The following SPOCK1 variants were observed in gnomAD, a reference collection of about 807,000 sequenced individuals.
SPOCK1 encodes the protein testican-1.
SPOCK1 carries 23 observed loss-of-function variants against 55.3 expected under a neutral mutation model. The observed-to-expected ratio is 0.42, with a 90% confidence interval of 0.30 to 0.59. The LOEUF is 0.59. SPOCK1 is among the 20% of genes least tolerant of loss of function. The pLI is 0.22. For synonymous variants in SPOCK1, 226 were observed against 221.0 expected (o/e 1.02, Z -0.20); for missense variants, 499 against 552.5 (o/e 0.90, Z 0.97).
intron 3 of SPOCK1, among the ~76,000 whole-genome samples, chr5:137,233,202 G>A (rs748553569): frequency 6.6e-6 from 1 of 152,128 alleles, no homozygotes; most frequent in Non-Finnish European, 1.5e-5. Context: ...TATTTATTGT[G>A]TACTTTATTT....
intron 3 of SPOCK1, among the ~76,000 whole-genome samples, chr5:137,187,199 C>T (rs138392456): frequency 2.6e-5 from 4 of 152,260 alleles, no homozygotes; most frequent in East Asian, 1.9e-4. Flanking sequence ...CTCATGCTGA[C>T]GACTCCCAGA....
intron 2 of SPOCK1, among the ~76,000 whole-genome samples, chr5:137,310,517 T>C (rs905822099): frequency 1.3e-5 from 2 of 152,224 alleles, no homozygotes. Flanking sequence ...GCCAGAATCA[T>C]TAATCATCAA....
At chr5:137,345,485 C>A (rs1750536793) in intron 2 of SPOCK1, among the ~76,000 whole-genome samples, 1 of 152,224 alleles carries the variant, frequency 6.6e-6, no homozygotes, top group Admixed American at 6.5e-5. Flanking sequence ...CAAATTTGCT[C>A]TATCCAAGAA....
intron 2 of SPOCK1, among the ~76,000 whole-genome samples, chr5:137,455,214 T>A (rs576356202): frequency 6.6e-6 from 1 of 152,340 alleles, no homozygotes; most frequent in African/African-American, 2.4e-5. Flanking sequence ...TTCATGAGCA[T>A]GTTTCCTTGA....
intron 2 of SPOCK1, among the ~76,000 whole-genome samples, chr5:137,366,826 TGA>T (rs1211770529): frequency 6.6e-6 from 1 of 151,976 alleles, no homozygotes; most frequent in South Asian, 2.1e-4. Context: ...TAAGAGAAGG[TGA>T]GAGAAAGAGA....
chr5:137,280,812 G>A (rs1181154382), intron 2 of SPOCK1, among the ~76,000 whole-genome samples: 1 of 152,150 alleles, frequency 6.6e-6, no homozygotes, highest in Admixed American at 6.5e-5. Context: ...GACTAAAGAT[G>A]CCACAGTGAT....
intron 2 of SPOCK1, among the ~76,000 whole-genome samples, chr5:137,322,463 A>C (rs553010975): frequency 6.6e-6 from 1 of 152,350 alleles, no homozygotes; most frequent in East Asian, 1.9e-4. Context: ...CATAGAAGTT[A>C]AAAGACAAAA....
intron 6 of SPOCK1, 75 bp downstream of exon 6, chr5:137,067,640 C>G (rs1298556020): frequency 7.7e-7 from 1 of 1,296,316 alleles, no homozygotes; most frequent in African/African-American, 1.5e-5. Flanking sequence ...GTGCCTGGGA[C>G]AGAGCTCGGC....
At position 137,375,458 on chromosome 5, in the gene SPOCK1, A is replaced by G. The variant is rs557546655; in HGVS notation, c.187-108403T>C. ...GGGAAGGGCACTAGAGGGCCTTTGG[A>G]AGTGCTGGAAGTGCTTTATATCTTC... On this transcript the variant is annotated intron_variant, in intron 2 of 10. Transcript: ENST00000394945. Among the ~76,000 whole-genome samples the G allele has an allele frequency of 2.6e-5, 4 of 152,326 alleles. No homozygotes were observed. In the East Asian group the frequency reaches 7.7e-4, roughly 29 times the overall value.
chr5:137,136,271 T>C lies in SPOCK1; in HGVS notation c.347+4309A>G, dbSNP rs117272852. Among the ~76,000 whole-genome samples the C allele has an allele frequency of 1.1e-3, 160 of 152,286 alleles. 3 individuals are homozygous for C. In the East Asian group the frequency reaches 0.029, roughly 28 times the overall value. On this transcript the variant is annotated intron_variant, in intron 4 of 10. Transcript: ENST00000394945. ...GTCTACGACTCATTTCAAGTTATTT[T>C]TTGTATAGTATGTTATATAATGATT...
chr5:137,417,650 CT>C (rs1451745750), intron 2 of SPOCK1, among the ~76,000 whole-genome samples: 1 of 152,080 alleles, frequency 6.6e-6, no homozygotes, highest in African/African-American at 2.4e-5. Context: ...TTGTATCTGG[CT>C]ATTTTAATTC....
At chr5:137,040,096 G>C (rs1040603749) in intron 6 of SPOCK1, among the ~76,000 whole-genome samples, 18 of 152,204 alleles carry the variant, frequency 1.2e-4, no homozygotes, top group Admixed American at 1.3e-4. Flanking sequence ...TTGCTTCCCT[G>C]CTCTGGCTGT....
intron 3 of SPOCK1, among the ~76,000 whole-genome samples, chr5:137,249,507 A>G (rs1221676241): frequency 6.6e-6 from 1 of 152,244 alleles, no homozygotes; most frequent in African/African-American, 2.4e-5. Flanking sequence ...GAATATGCAT[A>G]CATACATACT....
chr5:136,981,882 A>T (rs1750738577), intron 9 of SPOCK1, among the ~76,000 whole-genome samples: 1 of 152,244 alleles, frequency 6.6e-6, no homozygotes, highest in Non-Finnish European at 1.5e-5. Flanking sequence ...ATTTTAAGTT[A>T]TGAGTATAGT....
chr5:137,004,458 T>C (rs1561576842), intron 6 of SPOCK1, among the ~76,000 whole-genome samples: 1 of 152,134 alleles, frequency 6.6e-6, no homozygotes. Flanking sequence ...TATAGTGACT[T>C]GGCATGAAAA....
At chr5:137,247,961 C>T (rs1192601556) in intron 3 of SPOCK1, among the ~76,000 whole-genome samples, 2 of 152,156 alleles carry the variant, frequency 1.3e-5, no homozygotes, top group African/African-American at 2.4e-5. Context: ...CTCCTAACAT[C>T]GAAACATTGG....
chr5:137,095,038 A>G (rs1002875423), intron 5 of SPOCK1, among the ~76,000 whole-genome samples: 3 of 152,186 alleles, frequency 2.0e-5, no homozygotes, highest in African/African-American at 7.2e-5. Flanking sequence ...AGGGATGCCC[A>G]TGGAGAGGGA....
At chr5:136,993,446 C>A (rs1750986907) in intron 6 of SPOCK1, among the ~76,000 whole-genome samples, 1 of 152,142 alleles carries the variant, frequency 6.6e-6, no homozygotes, top group Non-Finnish European at 1.5e-5. Context: ...ATTCTTGGTA[C>A]TGAGAAAACC....
At chr5:137,416,712 G>C (rs1008924108) in intron 2 of SPOCK1, among the ~76,000 whole-genome samples, 5 of 152,108 alleles carry the variant, frequency 3.3e-5, no homozygotes, top group Admixed American at 1.3e-4. Context: ...AGCAAGTGTA[G>C]CATTTTACAC....
Sources: gnomAD v4.1 joint callset for allele counts (sites outside exome capture counted in the v4.1 genomes callset) on GRCh38, gnomAD v4.1.1 for gene constraint, MANE v1.5 for transcripts, NCBI Gene and HGNC (gene_info 2026-07-23, HGNC 2026-07-21) for gene names.